PWWP2B: variants seen among roughly 807,000 people sequenced by gnomAD.
PWWP2B encodes the protein PWWP domain-containing protein 2B.
In PWWP2B, 9 loss-of-function variants were observed where a neutral mutation model predicts 15.5. The ratio of observed to expected loss-of-function variants is 0.58; its 90% confidence interval spans 0.35 to 1.02. The LOEUF (loss-of-function observed/expected upper bound fraction) is 1.02, where lower values mean the gene tolerates loss of function less well. PWWP2B is among the 50% of genes least tolerant of loss of function. PWWP2B has a pLI of 0.02. For synonymous variants in PWWP2B, 474 were observed against 403.6 expected (o/e 1.17, Z -2.09); for missense variants, 864 against 865.3 (o/e 1.00, Z 0.02).
In PWWP2B at chr10:132,417,041, C is replaced by T. The variant is rs2069868192; in HGVS notation, c.*17-20C>T. The stretch of plus-strand genomic sequence containing the variant: ...CTCGACCCTGAGTTAAATCTCTGCC[C>T]CTTTTTGCTTTCCCCCAAGGTCACC... On this transcript the variant is annotated intron_variant, in intron 2 of 2. Coordinates refer to ENST00000305233, the MANE Select transcript of PWWP2B (RefSeq NM_138499.4). 1 of 1,613,536 alleles carries T rather than the reference C, an allele frequency of 6.2e-7. No individual in the cohort carries two copies. Among genetic ancestry groups the T allele is most frequent in the Non-Finnish European group, 8.5e-7 (1 of 1,179,572 alleles).
intron 2 of PWWP2B, among the ~76,000 whole-genome samples, chr10:132,414,807 A>G (rs1442629346): frequency 1.3e-5 from 2 of 152,148 alleles, no homozygotes; most frequent in Non-Finnish European, 2.9e-5. Context: ...TCATTCCAGG[A>G]CTGAGAAAGT....
chr10:132,413,140 A>G (rs538974594), intron 2 of PWWP2B, among the ~76,000 whole-genome samples: 2 of 152,280 alleles, frequency 1.3e-5, no homozygotes, highest in East Asian at 3.9e-4. Context: ...CTTTGCAGTC[A>G]ACACAGCTAG....
intron 1 of PWWP2B, among the ~76,000 whole-genome samples, chr10:132,401,841 C>T (rs1257095466): frequency 1.3e-5 from 2 of 152,250 alleles, no homozygotes; most frequent in Non-Finnish European, 2.9e-5. Context: ...GCCGAGGTCC[C>T]AGCAGCCTGG....
At chr10:132,408,983 G>C (rs1228784345) in intron 2 of PWWP2B, among the ~76,000 whole-genome samples, 1 of 152,258 alleles carries the variant, frequency 6.6e-6, no homozygotes, top group Non-Finnish European at 1.5e-5. Context: ...ACCCCTCCGT[G>C]TGAGGTCCTG....
intron 1 of PWWP2B, among the ~76,000 whole-genome samples, chr10:132,403,927 C>T (rs2069644494): frequency 6.6e-6 from 1 of 151,454 alleles, no homozygotes; most frequent in East Asian, 1.9e-4. Flanking sequence ...CTCCAGAGGG[C>T]TCAGCCCCGG....
intron 1 of PWWP2B, among the ~76,000 whole-genome samples, chr10:132,400,891 A>G (rs2069606728): frequency 6.6e-6 from 1 of 152,258 alleles, no homozygotes; most frequent in South Asian, 2.1e-4. Context: ...CCGGGAGGCC[A>G]GGCAGGGGGC....
chr10:132,410,171 G>A (rs557172710), intron 2 of PWWP2B, among the ~76,000 whole-genome samples: 2 of 152,226 alleles, frequency 1.3e-5, no homozygotes, highest in African/African-American at 2.4e-5. Flanking sequence ...GCTGGGCGGT[G>A]TGCAGGTGTC....
chr10:132,398,833 C>T (rs953754600), intron 1 of PWWP2B, among the ~76,000 whole-genome samples: 74 of 152,216 alleles, frequency 4.9e-4, no homozygotes, highest in Non-Finnish European at 1.3e-4. Flanking sequence ...TGGGCCTCTG[C>T]GGGCACAGCC....
At chr10:132,403,223 G>A (rs1199693246) in intron 1 of PWWP2B, among the ~76,000 whole-genome samples, 1 of 152,038 alleles carries the variant, frequency 6.6e-6, no homozygotes, top group Non-Finnish European at 1.5e-5. Flanking sequence ...CCACCACAGA[G>A]CAGAACCCCC....
rs747970527 is a variant in PWWP2B, at chr10:132,405,946, G to A, written c.1446G>A (p.Thr482=). The A allele has an allele frequency of 8.7e-6, 14 of 1,613,242 alleles. No individual in the cohort carries two copies. Among genetic ancestry groups the A allele is most frequent in the South Asian group, 3.3e-5 (3 of 91,090 alleles). Reference sequence around the variant, plus strand: ...CACAGAGCGTGTCGGAGTGCATCACGGAGGACGGCAGGACTGTGGCCGTGG... The same window carrying A: ...CACAGAGCGTGTCGGAGTGCATCACAGAGGACGGCAGGACTGTGGCCGTGG... ...LHTQSVSECI[T]EDGRTVAVGD... is the part of the protein sequence containing the mutation. The change falls in exon 2 of 3, where the codon ACG becomes ACA. Residue 482 remains threonine, a synonymous_variant. Coordinates refer to ENST00000305233, the MANE Select transcript of PWWP2B (RefSeq NM_138499.4).
chr10:132,408,729 A>C (rs1303201706), intron 2 of PWWP2B, among the ~76,000 whole-genome samples: 3 of 152,220 alleles, frequency 2.0e-5, no homozygotes. Context: ...GCACCACGAG[A>C]TCGGCTCCGT....
At chr10:132,409,387 G>A (rs568146515) in intron 2 of PWWP2B, among the ~76,000 whole-genome samples, 22 of 152,320 alleles carry the variant, frequency 1.4e-4, no homozygotes, top group African/African-American at 5.3e-4. Context: ...CCTGCTTCAG[G>A]TGCAGGCACC....
At chr10:132,415,386 C>T (rs931732380) in intron 2 of PWWP2B, among the ~76,000 whole-genome samples, 4 of 145,182 alleles carry the variant, frequency 2.8e-5, no homozygotes, top group Admixed American at 1.3e-4. Context: ...CACTCACACT[C>T]ATTTACTCAC....
chr10:132,414,191 C>T (rs921384533), intron 2 of PWWP2B, among the ~76,000 whole-genome samples: 6 of 152,314 alleles, frequency 3.9e-5, no homozygotes, highest in South Asian at 4.1e-4. Context: ...CTGTTCGGGA[C>T]GAAGGGCCCG....
intron 2 of PWWP2B, among the ~76,000 whole-genome samples, chr10:132,414,995 T>G (rs1040099889): frequency 6.6e-6 from 1 of 152,220 alleles, no homozygotes; most frequent in Non-Finnish European, 1.5e-5. Flanking sequence ...CTCTTTAATT[T>G]GTGTTTGTGT....
Position 132,405,869 on chromosome 10 carries a change from G to A in PWWP2B, c.1369G>A (p.Val457Met). ...SPGHGASAPS[V>M]SREARQTVPP... ...TGGCCACGGCGCGTCAGCGCCCTCG[G>A]TGTCCAGAGAGGCTCGCCAAACGGT... The change falls in exon 2 of 3, where the codon GTG becomes ATG. Residue 457 changes from valine (V) to methionine (M), a missense_variant. Transcript: ENST00000305233. 1 of 1,611,764 alleles carries A rather than the reference G, an allele frequency of 6.2e-7. No homozygotes were observed.
intron 1 of PWWP2B, among the ~76,000 whole-genome samples, chr10:132,398,561 C>T (rs1036751118): frequency 6.6e-5 from 10 of 152,386 alleles, no homozygotes; most frequent in East Asian, 1.9e-4. Context: ...AAGAGGGGCA[C>T]GAGCGGCAGT....
chr10:132,398,617 T>C (rs1168588196), intron 1 of PWWP2B, among the ~76,000 whole-genome samples: 3 of 152,204 alleles, frequency 2.0e-5, no homozygotes, highest in Non-Finnish European at 4.4e-5. Flanking sequence ...CAAGGGAGGC[T>C]GAGAATATCT....
At position 132,405,556 on chromosome 10, in the gene PWWP2B, G is replaced by A; in HGVS notation, c.1056G>A (p.Glu352=). 5 of 1,606,260 alleles carry A rather than the reference G, an allele frequency of 3.1e-6. No homozygotes were observed. Among genetic ancestry groups the A allele is most frequent in the Non-Finnish European group, 4.2e-6 (5 of 1,179,032 alleles). ...DSEHEPVYRA[E]LVGELNGYLR... ...AGCACGAGCCCGTGTACCGGGCCGA[G>A]CTGGTGGGGGAGCTGAACGGGTACC... Residue 352 remains glutamate (E), a synonymous_variant, in exon 2 of 3, where the codon GAG becomes GAA. Coordinates refer to ENST00000305233, the MANE Select transcript of PWWP2B (RefSeq NM_138499.4).
Sources: gnomAD v4.1 joint callset for allele counts (sites outside exome capture counted in the v4.1 genomes callset) on GRCh38, gnomAD v4.1.1 for gene constraint, MANE v1.5 for transcripts, NCBI Gene and HGNC (gene_info 2026-07-23, HGNC 2026-07-21) for gene names.